The following EXD3 variants were observed in gnomAD, a reference collection of about 807,000 sequenced individuals.
The protein encoded by EXD3 is exonuclease mut-7 homolog.
A neutral mutation model predicts 98.0 loss-of-function variants in EXD3; 92 were observed. The observed-to-expected ratio is 0.94, with a 90% CI of 0.79 to 1.12. The LOEUF (loss-of-function observed/expected upper bound fraction) is 1.12, where lower values mean the gene tolerates loss of function less well. Ranked by LOEUF, EXD3 falls within the 50% of genes most tolerant of loss-of-function variation. The pLI is 0.00. For missense variants in EXD3, 1,222 were observed against 1,191.6 expected (o/e 1.03, Z -0.38); for synonymous variants, 569 against 526.0 (o/e 1.08, Z -1.12).
At chr9:137,397,187 C>T (rs565418438) in intron 1 of EXD3, among the ~76,000 whole-genome samples, 29 of 152,348 alleles carry the variant, frequency 1.9e-4, no homozygotes, top group East Asian at 1.2e-3. Context: ...CGGCCACAGC[C>T]GAAGACCATG....
Position 137,351,391 on chromosome 9 carries a change from T to C in EXD3, c.1311A>G (p.Pro437=), listed in dbSNP as rs1834296008. ...AAAAGGCCTGGGCTCCCTGCCCTGT[T>C]GGTGGCTGCGAGAGTGCCAGGACGT... is the stretch of plus-strand genomic sequence containing the variant. ...LLDVLALSQP[P]TGQGAQAFSR... The change falls in exon 13 of 22, where the codon CCA becomes CCG. Residue 437 remains proline, a synonymous_variant. Transcript: ENST00000340951. 1 of 1,610,762 alleles carries C rather than the reference T, an allele frequency of 6.2e-7. No individual in the cohort carries two copies.
intron 2 of EXD3, among the ~76,000 whole-genome samples, chr9:137,386,836 T>A (rs1836618462): frequency 7.9e-6 from 1 of 127,054 alleles, no homozygotes; most frequent in Non-Finnish European, 1.7e-5. Flanking sequence ...GCTCCCTGCC[T>A]GCCTCCCTCA....
In EXD3 at chr9:137,306,981, G is replaced by GGGCTC; in HGVS notation, c.2595_2599dup (p.Pro867ArgfsTer?). 1.2e-6 allele frequency: 2 copies of GGGCTC among 1,600,092 alleles called. No homozygotes were observed. The highest frequency in any genetic ancestry group is 1.7e-6 in the Non-Finnish European group (2 of 1,172,488). ...GGGACTGCTGGCCGGGCTGGGGGCTGGGCTCGGCTCGCAGGGGCTGGGGGC... is the reference window on the plus strand; with the variant it reads ...GGGACTGCTGGCCGGGCTGGGGGCTGGGCTCGGCTCGGCTCGCAGGGGCTGGGGGC... On this transcript the variant is annotated frameshift_variant, in exon 22 of 22. Transcript: ENST00000340951. LOFTEE classifies it low-confidence loss of function (END_TRUNC).
At chr9:137,354,487 A>G (rs759706290) in intron 9 of EXD3, 110 bp from the exon 10 acceptor site, 46 of 1,563,172 alleles carry the variant, frequency 2.9e-5, no homozygotes, top group Admixed American at 5.7e-5. Flanking sequence ...GGCAGAGCCC[A>G]GGTGCTCACC....
chr9:137,330,926 T>C (rs566465001), intron 17 of EXD3, among the ~76,000 whole-genome samples: 1 of 152,268 alleles, frequency 6.6e-6, no homozygotes, highest in South Asian at 2.1e-4. Context: ...ACAAACATGA[T>C]AATGTCTAAT....
chr9:137,320,192 G>A (rs1020834029), intron 19 of EXD3, among the ~76,000 whole-genome samples: 7 of 152,232 alleles, frequency 4.6e-5, no homozygotes, highest in African/African-American at 1.4e-4. Flanking sequence ...CGGGCAGTCC[G>A]TGGGGCCAAG....
intron 20 of EXD3, among the ~76,000 whole-genome samples, chr9:137,308,991 C>T (rs762114045): frequency 2.8e-4 from 43 of 152,086 alleles, no homozygotes; most frequent in Non-Finnish European, 3.2e-4. Context: ...GCCCCCGTGC[C>T]AGCCCCCGAC....
chr9:137,367,871 G>A (rs1835350783), intron 6 of EXD3, 65 bp downstream of exon 6: 1 of 1,509,500 alleles, frequency 6.6e-7, no homozygotes, highest in Non-Finnish European at 9.1e-7. Context: ...AACAAACACT[G>A]TTTATAGAGA....
intron 1 of EXD3, among the ~76,000 whole-genome samples, chr9:137,408,441 G>A (rs1350430423): frequency 2.0e-5 from 3 of 151,428 alleles, no homozygotes; most frequent in Non-Finnish European, 4.4e-5. Context: ...CAGCTACTCC[G>A]GAGGCTGAGG....
At chr9:137,344,527 C>T (rs370128434) in intron 17 of EXD3, among the ~76,000 whole-genome samples, 4 of 152,188 alleles carry the variant, frequency 2.6e-5, no homozygotes, top group African/African-American at 7.2e-5. Flanking sequence ...GATACCCCTG[C>T]GCTTTCTGGA....
chr9:137,353,127 TC>T, intron 10 of EXD3: 1 of 1,179,248 alleles, frequency 8.5e-7, no homozygotes, highest in Non-Finnish European at 1.1e-6. Flanking sequence ...CTTCCCGGCC[TC>T]CAAGCCTCCA....
chr9:137,369,320 T>G (rs1381817320), intron 5 of EXD3, among the ~76,000 whole-genome samples: 1 of 152,118 alleles, frequency 6.6e-6, no homozygotes, highest in Non-Finnish European at 1.5e-5. Context: ...ACAAGGGCTC[T>G]GATCCCTTCT....
In EXD3 at chr9:137,366,968, G is replaced by A. The variant is rs1835290587; in HGVS notation, c.517-336C>T. On this transcript the variant is annotated intron_variant, in intron 6 of 21. Coordinates refer to ENST00000340951, the MANE Select transcript of EXD3 (RefSeq NM_017820.5). ...TGGTAGTCCGGAAATGCCTTCTCGT[G>A]GCACATGGTACCAGCACTGCCTCCC... 2.0e-5 allele frequency among the ~76,000 whole-genome samples: 3 copies of A among 152,214 alleles called. No homozygotes were observed. In the South Asian group the frequency reaches 6.2e-4, roughly 32 times the overall value.
At chr9:137,384,252 G>A (rs1279717621) in intron 2 of EXD3, among the ~76,000 whole-genome samples, 1 of 152,224 alleles carries the variant, frequency 6.6e-6, no homozygotes, top group East Asian at 1.9e-4. Context: ...TCAGACCTCA[G>A]CAGCTGGATT....
chr9:137,307,529 G>C (rs764615901), intron 21 of EXD3, 79 bp downstream of exon 21: 15 of 1,550,832 alleles, frequency 9.7e-6, no homozygotes, highest in Non-Finnish European at 1.3e-5. Context: ...CGGGACCCAA[G>C]TCCCCCATTC....
At chr9:137,375,243 G>A (rs1457988097) in intron 3 of EXD3, among the ~76,000 whole-genome samples, 1 of 152,108 alleles carries the variant, frequency 6.6e-6, no homozygotes. Flanking sequence ...TCCTGACCTC[G>A]TGATCCGCCC....
chr9:137,327,174 C>T (rs1176902548), intron 17 of EXD3, among the ~76,000 whole-genome samples: 1 of 150,660 alleles, frequency 6.6e-6, no homozygotes, highest in Non-Finnish European at 1.5e-5. Context: ...TGCTCTGTCG[C>T]CCAGGCTGGA....
At chr9:137,383,884 G>A (rs1836451121) in intron 2 of EXD3, among the ~76,000 whole-genome samples, 2 of 152,172 alleles carry the variant, frequency 1.3e-5, no homozygotes, top group South Asian at 4.1e-4. Flanking sequence ...TGCAGCAAAA[G>A]TGCCAACCAA....
chr9:137,311,903 C>T (rs2119049839), intron 19 of EXD3, among the ~76,000 whole-genome samples: 1 of 152,290 alleles, frequency 6.6e-6, no homozygotes, highest in South Asian at 2.1e-4. Context: ...CACGTCTTGC[C>T]TTTGGACAGC....
Sources: allele counts gnomAD v4.1 joint callset (sites outside exome capture counted in the v4.1 genomes callset), GRCh38; gene constraint gnomAD v4.1.1; transcripts MANE v1.5; gene names NCBI Gene and HGNC (gene_info 2026-07-23, HGNC 2026-07-21).